The following ADRA1D variants were observed in gnomAD, a reference collection of about 807,000 sequenced individuals.
The protein encoded by ADRA1D is adrenoceptor alpha 1D, also known as alpha-1D adrenergic receptor.
ADRA1D carries 22 observed loss-of-function variants against 18.6 expected under a neutral mutation model. The observed-to-expected ratio is 1.19, with a 90% CI of 0.85 to 1.69. The LOEUF (loss-of-function observed/expected upper bound fraction) is 1.69, where lower values mean the gene tolerates loss of function less well. Among genes scored for constraint, ADRA1D ranks in the 40% most tolerant of loss-of-function variants. The pLI is 0.00. For missense variants in ADRA1D, 840 were observed against 840.7 expected, an observed-to-expected ratio of 1.00 and a Z score of 0.01; for synonymous variants, 376 against 388.2, an observed-to-expected ratio of 0.97 and a Z score of 0.37.
At chr20:4,243,217 A>G (rs1981257710) in intron 1 of ADRA1D, among the ~76,000 whole-genome samples, 1 of 151,784 alleles carries the variant, frequency 6.6e-6, no homozygotes, top group Admixed American at 6.6e-5. Context: ...TTTCCAACCT[A>G]CCCAACTGTC....
At chr20:4,229,537 G>A (rs1980904944) in intron 1 of ADRA1D, among the ~76,000 whole-genome samples, 1 of 152,208 alleles carries the variant, frequency 6.6e-6, no homozygotes, top group East Asian at 1.9e-4. Flanking sequence ...GCTGAATGAA[G>A]TGAGTGAATG....
Position 4,222,246 on chromosome 20 carries a change from C to T in ADRA1D, c.1112-116G>A. ...TTGGCTGAGTCATTGACTAGGAGTT[C>T]TCAAGGGATCCGTGCTGTAAATCAG... On this transcript the variant is annotated intron_variant, in intron 1 of 1. Coordinates refer to ENST00000379453, the MANE Select transcript of ADRA1D (RefSeq NM_000678.4). The surrounding 1 kb of genome is among the most constrained non-coding windows in gnomAD (Gnocchi z 4.3). The T allele has an allele frequency of 7.1e-7, 1 of 1,400,206 alleles. No homozygotes were observed. 86.7% of individuals were successfully genotyped at this position (1,400,206 alleles called of 1,614,324 possible).
At position 4,221,769 on chromosome 20, in the gene ADRA1D, G is replaced by A. The variant is rs768379014; in HGVS notation, c.1473C>T (p.Pro491=). Residue 491 remains proline, a synonymous_variant, in exon 2 of 2, where the codon CCC becomes CCT. Transcript: ENST00000379453. Reference sequence around the variant, plus strand: ...GCAGCCTCCACTCGCGGAAGGCGCTGGGTGGCTTTCGACGGCTGGCGACCG... The same window carrying A: ...GCAGCCTCCACTCGCGGAAGGCGCTAGGTGGCTTTCGACGGCTGGCGACCG... The part of the protein sequence containing the change: ...QAPVASRRKP[P]SAFREWRLLG... 42 of 1,593,880 alleles carry A rather than the reference G, an allele frequency of 2.6e-5. No individual in the cohort carries two copies. Among genetic ancestry groups the A allele is most frequent in the South Asian group, 6.7e-5 (6 of 90,062 alleles).
intron 1 of ADRA1D, among the ~76,000 whole-genome samples, chr20:4,231,064 TTCTC>T (rs1168769579): frequency 2.9e-4 from 28 of 98,020 alleles, no homozygotes; most frequent in African/African-American, 7.5e-4. Flanking sequence ...CTTTCTTTCT[TTCTC>T]TCTCTCTCTC....
intron 1 of ADRA1D, among the ~76,000 whole-genome samples, chr20:4,238,944 A>G (rs1428606722): frequency 6.6e-6 from 1 of 151,968 alleles, no homozygotes; most frequent in Non-Finnish European, 1.5e-5. Flanking sequence ...CGACTGGGAG[A>G]CAAGGTGAGG....
chr20:4,228,327 G>T lies in ADRA1D; in HGVS notation c.1112-6197C>A, dbSNP rs1980870008. On this transcript the variant is annotated intron_variant, in intron 1 of 1. Transcript: ENST00000379453. ...CCAGTGATCTAGGCTCCTGTCCTCTGCCAGCTCTCTCCCTTTTCCTTTACC... is the reference window on the plus strand; with the variant it reads ...CCAGTGATCTAGGCTCCTGTCCTCTTCCAGCTCTCTCCCTTTTCCTTTACC... Among the ~76,000 whole-genome samples, 4 of 152,130 alleles carry T rather than the reference G, an allele frequency of 2.6e-5. 1 individual carries two copies. The South Asian group carries it at 8.3e-4, about 32-fold the overall frequency.
Position 4,227,755 on chromosome 20 carries a change from C to CCT in ADRA1D, c.1112-5626_1112-5625insAG, listed in dbSNP as rs1568763493. Among the ~76,000 whole-genome samples the CCT allele has an allele frequency of 2.9e-3, 391 of 136,408 alleles. 4 individuals carry two copies. Among genetic ancestry groups the CCT allele is most frequent in the African/African-American group, 0.01 (366 of 36,576 alleles). The allele number at this position is 136,408 out of a possible 152,430, so 89.5% of individuals were successfully genotyped here. A position where few individuals can be genotyped will look rare whatever the true frequency, so the allele number is the denominator to read the frequency against. On this transcript the variant is annotated intron_variant, in intron 1 of 1. Transcript: ENST00000379453. ...CCTTCCTTCCTTCCTTCCTTCTTCT[C>CCT]TCTCTCTCTTTCTTCTCTTTCTTTC...
At position 4,249,073 on chromosome 20, in the gene ADRA1D, G is replaced by A; in HGVS notation, c.-116C>T. The stretch of plus-strand genomic sequence containing the variant: ...TGCAGCTCCGCGCACGGGTCCCGTC[G>A]GGGTCCTGCCCAAGTTCCTGTGACG... On this transcript the variant is annotated 5_prime_UTR_variant, in exon 1 of 2. Coordinates refer to ENST00000379453, the MANE Select transcript of ADRA1D (RefSeq NM_000678.4). 1 of 843,532 alleles carries A rather than the reference G, an allele frequency of 1.2e-6. No homozygotes were observed. The highest frequency in any genetic ancestry group is 1.5e-6 in the Non-Finnish European group (1 of 678,276). 52.3% of individuals were successfully genotyped at this position (843,532 alleles called of 1,614,324 possible). A position where few individuals can be genotyped will look rare whatever the true frequency, so the allele number is the denominator to read the frequency against.
chr20:4,228,785 C>T (rs867126408), intron 1 of ADRA1D, among the ~76,000 whole-genome samples: 1 of 152,216 alleles, frequency 6.6e-6, no homozygotes, highest in African/African-American at 2.4e-5. Flanking sequence ...GGTTAGTGTC[C>T]CTACTTGTAT....
rs1252283861 is a variant in ADRA1D at position 4,248,557 on chromosome 20, A to G, written c.401T>C (p.Phe134Ser). The change falls in exon 1 of 2, where the codon TTC (phenylalanine) becomes TCC (serine). Residue 134 changes from phenylalanine to serine, a missense_variant. Phe to Ser is a radical substitution (Grantham distance 155). Transcript: ENST00000379453. ...NRHLQTVTNY[F>S]IVNLAVADLL... is the part of the protein sequence containing the mutation. Reference sequence around the variant, plus strand: ...GTCGGCCACGGCCAGGTTCACGATGAAATAGTTGGTGACGGTCTGCAGGTG... The same window carrying G: ...GTCGGCCACGGCCAGGTTCACGATGGAATAGTTGGTGACGGTCTGCAGGTG... The G allele has an allele frequency of 6.2e-7, 1 of 1,613,746 alleles. No individual in the cohort carries two copies. Among genetic ancestry groups the G allele is most frequent in the Non-Finnish European group, 8.5e-7 (1 of 1,179,954 alleles).
In ADRA1D at chr20:4,228,700, A is replaced by G. The variant is rs139481979; in HGVS notation, c.1112-6570T>C. 4.3e-3 allele frequency among the ~76,000 whole-genome samples: 658 copies of G among 152,356 alleles called. 5 individuals carry two copies. The highest frequency in any genetic ancestry group is 0.015 in the African/African-American group (625 of 41,576). ...GTTTCACAGGGAAAGCAGAGGCCAC[A>G]GAAACTAGGCACTCGCCCAGCCTTC... On this transcript the variant is annotated intron_variant, in intron 1 of 1. Coordinates refer to ENST00000379453, the MANE Select transcript of ADRA1D (RefSeq NM_000678.4).
At position 4,221,956 on chromosome 20, in the gene ADRA1D, GGGCGGCGGCGCC is replaced by G; in HGVS notation, c.1274_1285del (p.Arg425_Arg428del). On this transcript the variant is annotated inframe_deletion, in exon 2 of 2. Coordinates refer to ENST00000379453, the MANE Select transcript of ADRA1D (RefSeq NM_000678.4). ...GTGGTGGCCGTAGACACGCCAGAGAGGGCGGCGGCGCCGGCGACGACGGCACTGGCAGCGCAG... is the reference window on the plus strand; with the variant it reads ...GTGGTGGCCGTAGACACGCCAGAGAGGGCGACGACGGCACTGGCAGCGCAG... 1 of 1,547,462 alleles carries G rather than the reference GGGCGGCGGCGCC, an allele frequency of 6.5e-7. No homozygotes were observed. The highest frequency in any genetic ancestry group is 8.7e-7 in the Non-Finnish European group (1 of 1,146,378).
intron 1 of ADRA1D, among the ~76,000 whole-genome samples, chr20:4,246,991 C>CG (rs1981350369): frequency 6.6e-6 from 1 of 152,062 alleles, no homozygotes; most frequent in South Asian, 2.1e-4. Context: ...GATCTGACCC[C>CG]GGGCAAATTC....
At chr20:4,233,620 C>T (rs966443385) in intron 1 of ADRA1D, among the ~76,000 whole-genome samples, 1 of 152,168 alleles carries the variant, frequency 6.6e-6, no homozygotes, top group Non-Finnish European at 1.5e-5. Context: ...CCAAGACATT[C>T]TTTGTCAGTG....
chr20:4,243,006 C>T (rs978525688), intron 1 of ADRA1D, among the ~76,000 whole-genome samples: 4 of 152,096 alleles, frequency 2.6e-5, no homozygotes, highest in Admixed American at 1.3e-4. Flanking sequence ...ACACGGGCCT[C>T]TGGAGGCTCC....
In ADRA1D at chr20:4,230,126, G is replaced by C. The variant is rs573395395; in HGVS notation, c.1112-7996C>G. On this transcript the variant is annotated intron_variant, in intron 1 of 1. Coordinates refer to ENST00000379453, the MANE Select transcript of ADRA1D (RefSeq NM_000678.4). ...TTTGTGATGAGATCACACTGACTTC[G>C]TATTCACAATTGCAATATCCCCTAA... Among the ~76,000 whole-genome samples, 10 of 152,202 alleles carry C rather than the reference G, an allele frequency of 6.6e-5. 1 individual carries two copies. The South Asian group carries it at 2.1e-3, about 32-fold the overall frequency.
chr20:4,223,690 TCCTGTTTTTC>T (rs1980726768), intron 1 of ADRA1D, among the ~76,000 whole-genome samples: 1 of 152,232 alleles, frequency 6.6e-6, no homozygotes, highest in African/African-American at 2.4e-5. Flanking sequence ...CAAAGAACCA[TCCTGTTTTTC>T]ACTTTCAATA....
At chr20:4,236,509 C>G (rs1306201463) in intron 1 of ADRA1D, among the ~76,000 whole-genome samples, 2 of 152,042 alleles carry the variant, frequency 1.3e-5, no homozygotes, top group Non-Finnish European at 2.9e-5. Flanking sequence ...ATGCCACTTG[C>G]CAAGATGAAG....
chr20:4,228,646 C>A (rs749381254), intron 1 of ADRA1D, among the ~76,000 whole-genome samples: 2 of 152,238 alleles, frequency 1.3e-5, no homozygotes, highest in African/African-American at 2.4e-5. Context: ...CCTGCCCCTT[C>A]TTCTCCAGAG....
Sources: gnomAD v4.1 joint callset for allele counts (sites outside exome capture counted in the v4.1 genomes callset) on GRCh38, gnomAD v4.1.1 for gene constraint, Gnocchi (gnomAD v3.1) non-coding constraint, MANE v1.5 for transcripts, NCBI Gene and HGNC (gene_info 2026-07-23, HGNC 2026-07-21) for gene names.